IL1RAPL1: variants seen among roughly 807,000 people sequenced by gnomAD.
IL1RAPL1 encodes interleukin-1 receptor accessory protein-like 1.
Under a neutral mutation model 48.4 loss-of-function variants are expected in IL1RAPL1, and 3 were observed. The ratio of observed to expected loss-of-function variants is 0.06; its 90% confidence interval spans 0.03 to 0.16. IL1RAPL1 has a LOEUF of 0.16. Among genes scored for constraint, IL1RAPL1 ranks in the 10% least tolerant of loss-of-function variants. The pLI is 1.00. For missense variants in IL1RAPL1, 349 were observed against 530.6 expected (o/e 0.66, Z 3.36); for synonymous variants, 185 against 187.7 (o/e 0.99, Z 0.12).
At chrX:28,930,780 T>C (rs1923858687) in intron 2 of IL1RAPL1, among the ~76,000 whole-genome samples, 1 of 111,508 alleles carries the variant, frequency 9.0e-6, no homozygotes, top group African/African-American at 3.3e-5. Context: ...TAGCTGGGAC[T>C]ACAGGCACCT....
intron 6 of IL1RAPL1, among the ~76,000 whole-genome samples, chrX:29,791,099 G>T (rs1340803592): frequency 9.0e-6 from 1 of 110,518 alleles, no homozygotes; most frequent in African/African-American, 3.3e-5. Flanking sequence ...CCTCCCTAAA[G>T]AAACCATCTT....
intron 3 of IL1RAPL1, among the ~76,000 whole-genome samples, chrX:29,295,828 A>G (rs756653637): frequency 8.9e-6 from 1 of 111,896 alleles, no homozygotes; most frequent in South Asian, 3.8e-4. Context: ...TCCCACCTTT[A>G]AGAACAAGTC....
At chrX:28,915,866 G>A (rs1214066912) in intron 2 of IL1RAPL1, among the ~76,000 whole-genome samples, 3 of 109,703 alleles carry the variant, frequency 2.7e-5, no homozygotes, top group Admixed American at 9.8e-5. Flanking sequence ...AACTTGGGTA[G>A]CAGTGTTAAC....
intron 1 of IL1RAPL1, among the ~76,000 whole-genome samples, chrX:28,615,765 A>G (rs1400319473): frequency 9.0e-6 from 1 of 111,214 alleles, no homozygotes; most frequent in Non-Finnish European, 1.9e-5. Context: ...CATTGATGAT[A>G]TGATAAAGGA....
intron 2 of IL1RAPL1, among the ~76,000 whole-genome samples, chrX:28,946,618 G>A (rs1320349789): frequency 9.0e-6 from 1 of 111,135 alleles, no homozygotes; most frequent in Non-Finnish European, 1.9e-5. Context: ...AACACTAGAT[G>A]TCTAATAGAT....
intron 6 of IL1RAPL1, among the ~76,000 whole-genome samples, chrX:29,895,392 A>C (rs746206025): frequency 3.6e-5 from 4 of 110,418 alleles, no homozygotes; most frequent in African/African-American, 1.3e-4. Context: ...CTATACTAAA[A>C]ATACAAAAAT....
At chrX:29,744,012 C>T (rs1435124818) in intron 6 of IL1RAPL1, among the ~76,000 whole-genome samples, 4 of 111,604 alleles carry the variant, frequency 3.6e-5, no homozygotes, top group African/African-American at 9.8e-5. Context: ...CAAGCACAGA[C>T]GTTGCATACA....
intron 6 of IL1RAPL1, among the ~76,000 whole-genome samples, chrX:29,802,002 C>T (rs1439226626): frequency 8.9e-6 from 1 of 111,884 alleles, no homozygotes; most frequent in African/African-American, 3.2e-5. Flanking sequence ...TTTAATACAT[C>T]GTAGTTTTAA....
intron 6 of IL1RAPL1, among the ~76,000 whole-genome samples, chrX:29,688,753 T>TCTCC (rs1926697952): frequency 1.8e-5 from 2 of 108,726 alleles, no homozygotes; most frequent in Admixed American, 2.0e-4. Flanking sequence ...TCTCTCTCTC[T>TCTCC]CTGTGTGTGT....
intron 3 of IL1RAPL1, among the ~76,000 whole-genome samples, chrX:29,393,708 TTC>T (rs1933886643): frequency 1.1e-5 from 1 of 93,650 alleles, no homozygotes; most frequent in African/African-American, 3.4e-5. Flanking sequence ...TAAAAGGCCT[TTC>T]TGTTTTTGTT....
chrX:28,967,485 T>A (rs1208397201), intron 2 of IL1RAPL1, among the ~76,000 whole-genome samples: 1 of 111,296 alleles, frequency 9.0e-6, no homozygotes, highest in Non-Finnish European at 1.9e-5. Flanking sequence ...AAAAAAAAAT[T>A]CTACTTTCAA....
chrX:28,901,654 A>T (rs1358376277), intron 2 of IL1RAPL1, among the ~76,000 whole-genome samples: 2 of 112,011 alleles, frequency 1.8e-5, no homozygotes, highest in African/African-American at 3.2e-5. Context: ...GCAGAAACTA[A>T]CTTTTTTGCC....
At chrX:29,122,232 T>A (rs1928801576) in intron 2 of IL1RAPL1, among the ~76,000 whole-genome samples, 1 of 111,308 alleles carries the variant, frequency 9.0e-6, no homozygotes, top group South Asian at 3.8e-4. Flanking sequence ...TATAATAAAA[T>A]CTCCATTTAT....
intron 1 of IL1RAPL1, among the ~76,000 whole-genome samples, chrX:28,601,672 A>G (rs1359588915): frequency 9.0e-6 from 1 of 111,550 alleles, no homozygotes; most frequent in Non-Finnish European, 1.9e-5. Context: ...GCAACTGAGG[A>G]TGCACATTGT....
chrX:29,917,259 A>T (rs768266582), intron 6 of IL1RAPL1, among the ~76,000 whole-genome samples: 14 of 112,589 alleles, frequency 1.2e-4, no homozygotes, highest in Non-Finnish European at 2.2e-4. Flanking sequence ...TTTTACAAGT[A>T]ACTCACATTC....
chrX:29,218,320 T>G (rs1930915228), intron 2 of IL1RAPL1, among the ~76,000 whole-genome samples: 1 of 112,031 alleles, frequency 8.9e-6, no homozygotes, highest in Admixed American at 9.5e-5. Context: ...AGCTATTTCT[T>G]CAGTCTATGG....
At chrX:28,632,647 G>A (rs747367067) in intron 1 of IL1RAPL1, among the ~76,000 whole-genome samples, 39 of 110,518 alleles carry the variant, frequency 3.5e-4, no homozygotes, top group African/African-American at 1.2e-3. Context: ...TAAAATATAT[G>A]TATTTATTTA....
At chrX:29,675,652 G>A (rs5972648) in intron 6 of IL1RAPL1, among the ~76,000 whole-genome samples, 5,620 of 111,161 alleles carry the variant, frequency 0.051, 338 homozygotes, top group African/African-American at 0.18. Context: ...GTGCAGTGGC[G>A]CCATCTCGGC....
chrX:29,093,944 C>A (rs754306969), intron 2 of IL1RAPL1, among the ~76,000 whole-genome samples: 1 of 112,082 alleles, frequency 8.9e-6, no homozygotes, highest in Non-Finnish European at 1.9e-5. Flanking sequence ...CTCCTCAACC[C>A]TTCTTGCCCA....
Sources: allele counts gnomAD v4.1 joint callset (sites outside exome capture counted in the v4.1 genomes callset), GRCh38; gene constraint gnomAD v4.1.1; transcripts MANE v1.5; gene names NCBI Gene and HGNC (gene_info 2026-07-23, HGNC 2026-07-21).